PTBP3: variants seen among roughly 807,000 people sequenced by gnomAD.
PTBP3 encodes the protein polypyrimidine tract binding protein 3, also known as polypyrimidine tract-binding protein 3.
In PTBP3, 20 loss-of-function variants were observed where a neutral mutation model predicts 58.7. The observed-to-expected ratio is 0.34, with a 90% CI of 0.24 to 0.50. The LOEUF (loss-of-function observed/expected upper bound fraction) is 0.50. Among genes scored for constraint, PTBP3 ranks in the 20% least tolerant of loss-of-function variants. The probability of loss-of-function intolerance (pLI) is 0.98; values close to 1 mark genes in which losing one functional copy is unlikely to be tolerated. For synonymous variants in PTBP3, 185 were observed against 219.8 expected, an observed-to-expected ratio of 0.84 and a Z score of 1.40; for missense variants, 509 against 637.2, an observed-to-expected ratio of 0.80 and a Z score of 2.17.
chr9:112,314,358 T>C (rs937974469), intron 1 of PTBP3, among the ~76,000 whole-genome samples: 3 of 152,156 alleles, frequency 2.0e-5, no homozygotes, highest in Non-Finnish European at 2.9e-5. Flanking sequence ...CACTCCTAAA[T>C]GTGAATACAT....
At chr9:112,299,401 A>G (rs1828820441) in intron 1 of PTBP3, among the ~76,000 whole-genome samples, 1 of 152,260 alleles carries the variant, frequency 6.6e-6, no homozygotes, top group African/African-American at 2.4e-5. Flanking sequence ...TTTATTTAAC[A>G]AAAGACATCA....
At chr9:112,285,114 G>T (rs1366605687) in intron 2 of PTBP3, among the ~76,000 whole-genome samples, 1 of 152,204 alleles carries the variant, frequency 6.6e-6, no homozygotes, top group East Asian at 1.9e-4. Context: ...TAATCATCAT[G>T]ATTCCCATGT....
chr9:112,229,564 C>CA (rs35366224), intron 10 of PTBP3, among the ~76,000 whole-genome samples: 38,741 of 141,324 alleles, frequency 0.27, 5,617 homozygotes, highest in South Asian at 0.39. Flanking sequence ...GACCCTGTCT[C>CA]AAAAAAAAAA....
the PTBP3 span, among the ~76,000 whole-genome samples, chr9:112,358,843 T>G: frequency 2.0e-5 from 3 of 152,070 alleles, no homozygotes; most frequent in Non-Finnish European, 4.4e-5. Context: ...ATCTTCTTTT[T>G]GGGGGGCACT....
At chr9:112,369,954 A>G in the PTBP3 span, among the ~76,000 whole-genome samples, 1 of 152,174 alleles carries the variant, frequency 6.6e-6, no homozygotes, top group Non-Finnish European at 1.5e-5. Context: ...ATTTTATAAA[A>G]GGCAGTTCCC....
chr9:112,359,074 A>T, the PTBP3 span, among the ~76,000 whole-genome samples: 1 of 152,110 alleles, frequency 6.6e-6, no homozygotes, highest in African/African-American at 2.4e-5. Context: ...GGACTCAGGG[A>T]ATCTCCCATC....
intron 1 of PTBP3, among the ~76,000 whole-genome samples, chr9:112,316,597 ATAACAAATTTTAATAC>A (rs1343972335): frequency 6.6e-6 from 1 of 152,252 alleles, no homozygotes; most frequent in Non-Finnish European, 1.5e-5. Flanking sequence ...ACACTGGCAG[ATAACAAATTTTAATAC>A]TAACAAATAA....
At chr9:112,303,577 T>A (rs1264702888) in intron 1 of PTBP3, among the ~76,000 whole-genome samples, 3 of 152,128 alleles carry the variant, frequency 2.0e-5, no homozygotes, top group Non-Finnish European at 4.4e-5. Flanking sequence ...TGAAAATAAA[T>A]ACTACAGGCT....
chr9:112,280,948 A>C (rs1589860547), intron 2 of PTBP3: 2 of 152,188 alleles, frequency 1.3e-5, no homozygotes, highest in African/African-American at 4.8e-5. Context: ...GGGCAGCTTC[A>C]TATTGATGCC....
At chr9:112,301,603 T>C (rs1336537654) in intron 1 of PTBP3, among the ~76,000 whole-genome samples, 2 of 151,934 alleles carry the variant, frequency 1.3e-5, no homozygotes, top group Non-Finnish European at 2.9e-5. Context: ...ATAGAGATGG[T>C]TGGGTGGAGG....
At chr9:112,231,956 A>AGAGAAGAG (rs1443939064) in intron 9 of PTBP3, 143 bp downstream of exon 9, 6 of 376,538 alleles carry the variant, frequency 1.6e-5, no homozygotes, top group Non-Finnish European at 2.2e-5. Context: ...AGAGAAGAGA[A>AGAGAAGAG]GAGAAGAGAA....
At chr9:112,328,142 A>G (rs1830230307) in intron 1 of PTBP3, among the ~76,000 whole-genome samples, 1 of 152,174 alleles carries the variant, frequency 6.6e-6, no homozygotes, top group Non-Finnish European at 1.5e-5. Context: ...CCTGAAATCC[A>G]CTCTTGCCAC....
chr9:112,259,486 T>A (rs1175120408), intron 5 of PTBP3, among the ~76,000 whole-genome samples: 1 of 152,330 alleles, frequency 6.6e-6, no homozygotes, highest in East Asian at 1.9e-4. Context: ...TACTTCCACC[T>A]TAGGCACCTT....
the PTBP3 span, among the ~76,000 whole-genome samples, chr9:112,345,191 C>T: frequency 6.6e-6 from 1 of 151,458 alleles, no homozygotes; most frequent in Admixed American, 6.6e-5. Context: ...ATGAGCTAAG[C>T]ATGGTGGCAC....
rs903419834 is a variant in PTBP3, at chr9:112,333,585, G to A, written c.-167C>T. 2.8e-5 allele frequency: 38 copies of A among 1,377,070 alleles called. No homozygotes were observed. Among genetic ancestry groups the A allele is most frequent in the Non-Finnish European group, 3.8e-5 (38 of 990,606 alleles). 85.3% of individuals were successfully genotyped at this position (1,377,070 alleles called of 1,614,324 possible). On this transcript the variant is annotated 5_prime_UTR_variant, in exon 1 of 14. Transcript: ENST00000374257. Reference sequence around the variant, plus strand: ...CCGGGGACAAGCGAGCTTTGGCTCTGCGGAGCCCCGGCCGGTCCGAGGTGG... The same window carrying A: ...CCGGGGACAAGCGAGCTTTGGCTCTACGGAGCCCCGGCCGGTCCGAGGTGG...
At chr9:112,344,639 T>C in the PTBP3 span, among the ~76,000 whole-genome samples, 1 of 152,110 alleles carries the variant, frequency 6.6e-6, no homozygotes, top group African/African-American at 2.4e-5. Context: ...AATATGAATA[T>C]TGGAAAGGAA....
At chr9:112,266,968 C>T (rs1836825034) in intron 4 of PTBP3, among the ~76,000 whole-genome samples, 1 of 151,978 alleles carries the variant, frequency 6.6e-6, no homozygotes, top group Non-Finnish European at 1.5e-5. Context: ...TATTACATGC[C>T]ATTAATATTG....
At position 112,244,936 on chromosome 9, in the gene PTBP3, GC is replaced by G. The variant is rs538935840; in HGVS notation, c.802+5992del. Among the ~76,000 whole-genome samples the G allele has an allele frequency of 1.5e-3, 233 of 152,204 alleles. 1 individual carries two copies. Among genetic ancestry groups the G allele is most frequent in the African/African-American group, 5.4e-3 (224 of 41,554 alleles). ...GAAGAACAAGATAAAAAAGACTTTA[GC>G]AGAGATTCAAACTTCTGGTAATGAC... On this transcript the variant is annotated intron_variant, in intron 7 of 13. Coordinates refer to ENST00000374257, the MANE Select transcript of PTBP3 (RefSeq NM_001163788.4).
chr9:112,310,358 C>T (rs548851518), intron 1 of PTBP3, among the ~76,000 whole-genome samples: 1 of 152,142 alleles, frequency 6.6e-6, no homozygotes, highest in African/African-American at 2.4e-5. Flanking sequence ...TTCTTTAATG[C>T]CTGCAAGTAA....
Sources: gnomAD v4.1 joint callset for allele counts (sites outside exome capture counted in the v4.1 genomes callset) on GRCh38, gnomAD v4.1.1 for gene constraint, MANE v1.5 for transcripts, NCBI Gene and HGNC (gene_info 2026-07-23, HGNC 2026-07-21) for gene names.